The following KIF26B variants were observed in gnomAD, a reference collection of about 807,000 sequenced individuals.
KIF26B encodes kinesin family member 26B, also known as kinesin-like protein KIF26B.
A neutral mutation model predicts 151.2 loss-of-function variants in KIF26B; 63 were observed. The observed-to-expected ratio is 0.42, with a 90% CI of 0.34 to 0.51. The LOEUF (loss-of-function observed/expected upper bound fraction) is 0.51. KIF26B is among the 20% of genes least tolerant of loss of function. The pLI is 0.07. For missense variants in KIF26B, 2,813 were observed against 2,913.6 expected (o/e 0.97, Z 0.79); for synonymous variants, 1,357 against 1,262.1 (o/e 1.08, Z -1.59).
chr1:245,190,639 G>GTT lies in KIF26B; in HGVS notation c.465+33970_465+33971dup, dbSNP rs56019423. On this transcript the variant is annotated intron_variant, in intron 2 of 14. Coordinates refer to ENST00000407071, the MANE Select transcript of KIF26B (RefSeq NM_018012.4). ...AAGTTTTCCCTGAATGTTTTGTTTT[G>GTT]TTTTTTTTTTTTTTTACATTTCTTA... 3.5e-3 allele frequency among the ~76,000 whole-genome samples: 489 copies of GTT among 140,102 alleles called. 1 individual carries two copies. The highest frequency in any genetic ancestry group is 5.9e-3 in the South Asian group (27 of 4,592). The allele number at this position is 140,102 out of a possible 152,430, so 91.9% of individuals were successfully genotyped here.
Position 245,227,860 on chromosome 1 carries a change from G to T in KIF26B, c.465+71177G>T, listed in dbSNP as rs1246160624. 2.0e-5 allele frequency among the ~76,000 whole-genome samples: 3 copies of T among 151,968 alleles called. No individual in the cohort carries two copies. Among genetic ancestry groups the T allele is most frequent in the Admixed American group, 6.6e-5 (1 of 15,248 alleles). On this transcript the variant is annotated intron_variant, in intron 2 of 14. Coordinates refer to ENST00000407071, the MANE Select transcript of KIF26B (RefSeq NM_018012.4). The surrounding 1 kb of genome is among the most constrained non-coding windows in gnomAD (Gnocchi z 4.1). Reference sequence around the variant, plus strand: ...TACTAAAAATACAAAAAATTAGCCGGGCATGGTGGCGGGCACCTGTAATCC... The same window carrying T: ...TACTAAAAATACAAAAAATTAGCCGTGCATGGTGGCGGGCACCTGTAATCC...
At chr1:245,666,525 TTGAA>T (rs940916392) in intron 10 of KIF26B, among the ~76,000 whole-genome samples, 2 of 152,046 alleles carry the variant, frequency 1.3e-5, no homozygotes, top group African/African-American at 4.8e-5. Flanking sequence ...TACATGCTTG[TTGAA>T]TGAACAATCG....
Position 245,687,163 on chromosome 1 carries a change from T to G in KIF26B, c.4180T>G (p.Tyr1394Asp). 6.2e-7 allele frequency: 1 copy of G among 1,613,052 alleles called. No individual in the cohort carries two copies. The highest frequency in any genetic ancestry group is 2.2e-5 in the East Asian group (1 of 44,848). Residue 1394 changes from tyrosine (Y) to aspartate (D), a missense_variant, in exon 12 of 15, where the codon TAC becomes GAC. Physicochemically the swap from Tyr to Asp is radical, Grantham distance 160. This residue lies in a region of KIF26B where 2,060 missense variants were observed against 2,088.6 expected (regional missense o/e 0.99). Coordinates refer to ENST00000407071, the MANE Select transcript of KIF26B (RefSeq NM_018012.4). This position sits in a 1 kb window ranked among gnomAD's most constrained non-coding sequence, Gnocchi z 4.9. ...CCCCATGAAGACCAATATCACAGTTTACCCCTGCATTGCCATGAGCCCCCG... is the reference window on the plus strand; with the variant it reads ...CCCCATGAAGACCAATATCACAGTTGACCCCTGCATTGCCATGAGCCCCCG... ...YIPMKTNITVYPCIAMSPRNI... is the reference protein window; with the variant it reads ...YIPMKTNITVDPCIAMSPRNI...
chr1:245,486,372 A>T (rs889230103), intron 4 of KIF26B, among the ~76,000 whole-genome samples: 3 of 146,414 alleles, frequency 2.0e-5, no homozygotes, highest in Non-Finnish European at 1.5e-5. Context: ...AAAGTATAAG[A>T]TAGAGTTGGC....
At chr1:245,530,959 C>T (rs1035536178) in intron 4 of KIF26B, among the ~76,000 whole-genome samples, 2 of 152,300 alleles carry the variant, frequency 1.3e-5, no homozygotes, top group South Asian at 4.1e-4. Context: ...TAAGCAGCTT[C>T]CAGCATTCTT....
chr1:245,475,345 G>A (rs1168466740), intron 4 of KIF26B, among the ~76,000 whole-genome samples: 2 of 151,862 alleles, frequency 1.3e-5, no homozygotes, highest in Non-Finnish European at 2.9e-5. Flanking sequence ...ACTGAGCGAA[G>A]ACTTGGTTGA....
At chr1:245,649,146 C>T (rs540990745) in intron 10 of KIF26B, among the ~76,000 whole-genome samples, 2 of 152,154 alleles carry the variant, frequency 1.3e-5, no homozygotes, top group East Asian at 1.9e-4. Context: ...AGACCCTTGC[C>T]GAAATGTTTT....
Position 245,684,941 on chromosome 1 carries a change from C to A in KIF26B, c.2422-464C>A, listed in dbSNP as rs549976491. ...CTCATTTTCTCAGGCAGAGGCCAAG[C>A]CAGGATGGTGGCAGGGTGGCAAGTA... On this transcript the variant is annotated intron_variant, in intron 11 of 14. Transcript: ENST00000407071. 2.6e-5 allele frequency among the ~76,000 whole-genome samples: 4 copies of A among 152,338 alleles called. No individual in the cohort carries two copies. In the South Asian group the frequency reaches 8.3e-4, roughly 32 times the overall value.
At chr1:245,172,798 A>G (rs1329684111) in intron 2 of KIF26B, among the ~76,000 whole-genome samples, 1 of 152,220 alleles carries the variant, frequency 6.6e-6, no homozygotes, top group Non-Finnish European at 1.5e-5. Flanking sequence ...TGACAGAGCG[A>G]GACTCCATCT....
At position 245,698,982 on chromosome 1, in the gene KIF26B, G is replaced by C. The variant is rs369345235; in HGVS notation, c.6123G>C (p.Glu2041Asp). Residue 2041 changes from glutamate to aspartate, a missense_variant, in exon 14 of 15, where the codon GAG becomes GAC. By Grantham distance (45) the Glu-to-Asp change is conservative (BLOSUM62 2). Around this residue, in one of 3 missense-constraint regions of KIF26B, gnomAD observed 2,060 missense variants for 2,088.6 expected, o/e 0.99. Transcript: ENST00000407071. This position sits in a 1 kb window ranked among gnomAD's most constrained non-coding sequence, Gnocchi z 4.0. Reference protein sequence around the residue: ...VRAKYEWLMKELEATKQYLML... With the variant: ...VRAKYEWLMKDLEATKQYLML... The stretch of plus-strand genomic sequence containing the variant: ...CGAAGTACGAGTGGCTGATGAAGGA[G>C]CTGGAGGCGACCAAACAGTATCTGA... 1.2e-6 allele frequency: 2 copies of C among 1,614,050 alleles called. No individual in the cohort carries two copies. Among genetic ancestry groups the C allele is most frequent in the Non-Finnish European group, 1.7e-6 (2 of 1,179,906 alleles).
At chr1:245,503,146 A>G (rs1029908016) in intron 4 of KIF26B, among the ~76,000 whole-genome samples, 6 of 152,152 alleles carry the variant, frequency 3.9e-5, no homozygotes, top group Non-Finnish European at 8.8e-5. Flanking sequence ...AGCGTGAGCC[A>G]CCGCACCCGG....
At chr1:245,172,108 T>C (rs1302052067) in intron 2 of KIF26B, among the ~76,000 whole-genome samples, 1 of 152,190 alleles carries the variant, frequency 6.6e-6, no homozygotes, top group Non-Finnish European at 1.5e-5. Context: ...CATCTACCTG[T>C]CCAGCATTTC....
Position 245,698,897 on chromosome 1 carries a change from G to C in KIF26B, c.6038G>C (p.Cys2013Ser). 1 of 1,613,854 alleles carries C rather than the reference G, an allele frequency of 6.2e-7. No homozygotes were observed. Among genetic ancestry groups the C allele is most frequent in the Non-Finnish European group, 8.5e-7 (1 of 1,179,788 alleles). Residue 2013 changes from cysteine (C) to serine (S), a missense_variant, in exon 14 of 15, where the codon TGC becomes TCC. Physicochemically the swap from Cys to Ser is moderately radical, Grantham distance 112. This residue lies in a region of KIF26B where 2,060 missense variants were observed against 2,088.6 expected (regional missense o/e 0.99). Transcript: ENST00000407071. This position sits in a 1 kb window ranked among gnomAD's most constrained non-coding sequence, Gnocchi z 4.0. ...RRGGASKEAM[C>S]FNAKLKILEH... ...CTGTCTGTGTGCTAGGAGGCCATGTGCTTCAATGCAAAGCTGAAGATTCTG... is the reference window on the plus strand; with the variant it reads ...CTGTCTGTGTGCTAGGAGGCCATGTCCTTCAATGCAAAGCTGAAGATTCTG...
At chr1:245,391,554 G>A (rs961158531) in intron 3 of KIF26B, among the ~76,000 whole-genome samples, 2 of 151,772 alleles carry the variant, frequency 1.3e-5, no homozygotes, top group Non-Finnish European at 2.9e-5. Flanking sequence ...CACTTTGGCA[G>A]GCCAATTTGG....
chr1:245,483,381 G>T (rs1053140872), intron 4 of KIF26B, among the ~76,000 whole-genome samples: 8 of 151,800 alleles, frequency 5.3e-5, no homozygotes, highest in African/African-American at 1.9e-4. Flanking sequence ...ACCCAGCTGG[G>T]GTTGCAATCC....
chr1:245,561,474 T>TA (rs1366408761), intron 5 of KIF26B, among the ~76,000 whole-genome samples: 2 of 152,226 alleles, frequency 1.3e-5, no homozygotes, highest in East Asian at 3.9e-4. Flanking sequence ...AACCACTTCT[T>TA]ACCTGTAATT....
chr1:245,196,054 G>C (rs181036275), intron 2 of KIF26B, among the ~76,000 whole-genome samples: 8 of 152,260 alleles, frequency 5.3e-5, no homozygotes, highest in Admixed American at 5.2e-4. Context: ...GCAGGAGGAT[G>C]ATAGAACTAT....
rs3038129 is a variant in KIF26B, at chr1:245,552,616, A to ATTTT, written c.1350+11679_1350+11682dup. Among the ~76,000 whole-genome samples, 777 of 138,500 alleles carry ATTTT rather than the reference A, an allele frequency of 5.6e-3. 11 individuals carry two copies. Among genetic ancestry groups the ATTTT allele is most frequent in the Middle Eastern group, 0.019 (5 of 268 alleles). The allele number at this position is 138,500 out of a possible 152,430, so 90.9% of individuals were successfully genotyped here. A position where few individuals can be genotyped will look rare whatever the true frequency, so the allele number is the denominator to read the frequency against. On this transcript the variant is annotated intron_variant, in intron 5 of 14. Transcript: ENST00000407071. Reference sequence around the variant, plus strand: ...CCTTGCACCTATGTCATCTTCCTGGATTTTTTTTTTTTTTTTGAGACAGTC... The same window carrying ATTTT: ...CCTTGCACCTATGTCATCTTCCTGGATTTTTTTTTTTTTTTTTTTTGAGACAGTC...
At chr1:245,621,791 G>A (rs1008061179) in intron 9 of KIF26B, among the ~76,000 whole-genome samples, 1 of 152,256 alleles carries the variant, frequency 6.6e-6, no homozygotes, top group Non-Finnish European at 1.5e-5. Context: ...TAAGCACCAT[G>A]TGTGAAATTC....
Sources: allele counts gnomAD v4.1 joint callset (sites outside exome capture counted in the v4.1 genomes callset), GRCh38; gene constraint gnomAD v4.1.1; regional missense constraint gnomAD v4.1.1; non-coding constraint Gnocchi (gnomAD v3.1); transcripts MANE v1.5; gene names NCBI Gene and HGNC (gene_info 2026-07-23, HGNC 2026-07-21).